The following ZNF385D variants were observed in gnomAD, a reference collection of about 807,000 sequenced individuals.
ZNF385D encodes the protein zinc finger protein 385D.
Under a neutral mutation model 35.8 loss-of-function variants are expected in ZNF385D, and 15 were observed. The ratio of observed to expected loss-of-function variants is 0.42; its 90% CI spans 0.28 to 0.64. The LOEUF is 0.64. ZNF385D is among the 30% of genes least tolerant of loss of function. The probability of loss-of-function intolerance (pLI) is 0.23; values close to 1 mark genes in which losing one functional copy is unlikely to be tolerated. For synonymous variants in ZNF385D, 212 were observed against 186.8 expected, an observed-to-expected ratio of 1.13 and a Z score of -1.10; for missense variants, 474 against 494.6, an observed-to-expected ratio of 0.96 and a Z score of 0.39.
intron 3 of ZNF385D, among the ~76,000 whole-genome samples, chr3:21,997,615 G>C (rs939816745): frequency 2.0e-5 from 3 of 151,764 alleles, no homozygotes; most frequent in Non-Finnish European, 2.9e-5. Flanking sequence ...AAAAGAGAGA[G>C]AGAGTGTAAG....
At chr3:22,014,104 G>A (rs1666269427) in intron 3 of ZNF385D, among the ~76,000 whole-genome samples, 1 of 152,076 alleles carries the variant, frequency 6.6e-6, no homozygotes, top group Non-Finnish European at 1.5e-5. Flanking sequence ...TATTCAAAGA[G>A]TTTCAAGATG....
intron 2 of ZNF385D, among the ~76,000 whole-genome samples, chr3:22,287,473 A>T (rs1453997474): frequency 6.6e-6 from 1 of 151,798 alleles, no homozygotes; most frequent in Admixed American, 6.6e-5. Context: ...TTGCGGCTTA[A>T]TGGTTCTCTC....
chr3:22,340,471 C>A (rs1345457230), intron 2 of ZNF385D, among the ~76,000 whole-genome samples: 1 of 152,038 alleles, frequency 6.6e-6, no homozygotes, highest in Non-Finnish European at 1.5e-5. Context: ...CATGGTGAAA[C>A]CTTATCTCTA....
chr3:22,195,400 G>C, intron 2 of ZNF385D, among the ~76,000 whole-genome samples: 1 of 151,734 alleles, frequency 6.6e-6, no homozygotes, highest in East Asian at 1.9e-4. Flanking sequence ...TTTCTTTCTA[G>C]ATATAAGTCT....
intron 3 of ZNF385D, among the ~76,000 whole-genome samples, chr3:22,099,926 G>T (rs377194752): frequency 1.2e-4 from 18 of 151,978 alleles, no homozygotes; most frequent in African/African-American, 4.1e-4. Flanking sequence ...AAAATGTCAG[G>T]ATTAAGTGTC....
At chr3:21,666,347 A>G (rs1266957379) in intron 1 of ZNF385D, among the ~76,000 whole-genome samples, 1 of 152,178 alleles carries the variant, frequency 6.6e-6, no homozygotes, top group Non-Finnish European at 1.5e-5. Flanking sequence ...ATACACAAGA[A>G]CCATCAGCTC....
intron 3 of ZNF385D, among the ~76,000 whole-genome samples, chr3:22,045,296 A>G (rs550268723): frequency 6.3e-4 from 96 of 152,216 alleles, no homozygotes; most frequent in Non-Finnish European, 1.2e-3. Context: ...ATTAAATGTT[A>G]TTATTGCTTG....
chr3:21,941,589 C>T (rs1701523067), intron 3 of ZNF385D, among the ~76,000 whole-genome samples: 1 of 147,494 alleles, frequency 6.8e-6, no homozygotes, highest in South Asian at 2.2e-4. Flanking sequence ...CCTCCGCCTC[C>T]CGGGTTCACG....
At chr3:22,146,683 TATG>T (rs1380220330) in intron 3 of ZNF385D, among the ~76,000 whole-genome samples, 1 of 152,296 alleles carries the variant, frequency 6.6e-6, no homozygotes, top group East Asian at 1.9e-4. Flanking sequence ...ATATAACACT[TATG>T]ATTTTACCTA....
chr3:21,438,776 CTG>C (rs1268540936), intron 4 of ZNF385D, among the ~76,000 whole-genome samples: 1 of 152,090 alleles, frequency 6.6e-6, no homozygotes, highest in Non-Finnish European at 1.5e-5. Context: ...TGCTGCAAAT[CTG>C]TGTCTCATGG....
intron 3 of ZNF385D, among the ~76,000 whole-genome samples, chr3:21,993,477 A>G (rs1695271849): frequency 6.6e-6 from 1 of 152,316 alleles, no homozygotes; most frequent in African/African-American, 2.4e-5. Context: ...GAAAAGTCTC[A>G]TAAGCACATT....
chr3:22,247,885 G>A (rs1347472152), intron 2 of ZNF385D, among the ~76,000 whole-genome samples: 1 of 152,054 alleles, frequency 6.6e-6, no homozygotes, highest in Non-Finnish European at 1.5e-5. Context: ...TCATAGGGGT[G>A]AGCCACCACG....
At chr3:21,605,253 G>T (rs1451702248) in intron 2 of ZNF385D, among the ~76,000 whole-genome samples, 1 of 152,146 alleles carries the variant, frequency 6.6e-6, no homozygotes, top group Non-Finnish European at 1.5e-5. Flanking sequence ...CAAGATATGT[G>T]AGCCCCACTG....
chr3:22,360,021 G>T (rs1035596310), intron 2 of ZNF385D, among the ~76,000 whole-genome samples: 1 of 151,864 alleles, frequency 6.6e-6, no homozygotes, highest in Non-Finnish European at 1.5e-5. Flanking sequence ...CTGCAAATAA[G>T]AAACAGCTTT....
intron 1 of ZNF385D, among the ~76,000 whole-genome samples, chr3:21,714,720 C>A (rs1247100941): frequency 1.3e-5 from 2 of 152,218 alleles, no homozygotes; most frequent in East Asian, 3.9e-4. Flanking sequence ...CCATCTCCAG[C>A]TAACACTTCA....
chr3:22,138,265 C>G (rs1019356999), intron 3 of ZNF385D, among the ~76,000 whole-genome samples: 1 of 152,094 alleles, frequency 6.6e-6, no homozygotes, highest in Non-Finnish European at 1.5e-5. Context: ...AGATTCAATG[C>G]CATCCCCATC....
At chr3:21,516,574 G>A (rs1025432557) in intron 3 of ZNF385D, among the ~76,000 whole-genome samples, 2 of 152,102 alleles carry the variant, frequency 1.3e-5, no homozygotes, top group Admixed American at 1.3e-4. Context: ...CTTGTTTATA[G>A]TACTCCTCCT....
At chr3:21,782,616 C>T (rs751417855) in intron 3 of ZNF385D, among the ~76,000 whole-genome samples, 4 of 152,022 alleles carry the variant, frequency 2.6e-5, no homozygotes, top group African/African-American at 4.8e-5. Context: ...GGTTACTTAA[C>T]GTCTCTGAAA....
intron 3 of ZNF385D, among the ~76,000 whole-genome samples, chr3:21,894,008 GGAA>G (rs1699008646): frequency 6.6e-6 from 1 of 152,090 alleles, no homozygotes; most frequent in African/African-American, 2.4e-5. Flanking sequence ...CCTGGACTTA[GGAA>G]GTTCAAAAAT....
Sources: gnomAD v4.1 joint callset for allele counts (sites outside exome capture counted in the v4.1 genomes callset) on GRCh38, gnomAD v4.1.1 for gene constraint, MANE v1.5 for transcripts, NCBI Gene and HGNC (gene_info 2026-07-23, HGNC 2026-07-21) for gene names.